Variants in CCNY observed in about 807,000 individuals in gnomAD.
CCNY encodes the protein cyclin Y.
A neutral mutation model predicts 42.8 loss-of-function variants in CCNY; 19 were observed. That is an observed-to-expected ratio of 0.44 (90% CI 0.31 to 0.65). The LOEUF is 0.65. Ranked by LOEUF, CCNY falls within the 30% of genes least tolerant of loss-of-function variation. The pLI is 0.07. For missense variants in CCNY, 370 were observed against 437.3 expected, an observed-to-expected ratio of 0.85 and a Z score of 1.37; for synonymous variants, 165 against 162.7, an observed-to-expected ratio of 1.01 and a Z score of -0.11.
Position 35,513,644 on chromosome 10 carries a change from A to G in CCNY, c.265-2879A>G, listed in dbSNP as rs549699605. On this transcript the variant is annotated intron_variant, in intron 3 of 9. Coordinates refer to ENST00000374704, the MANE Select transcript of CCNY (RefSeq NM_145012.6). ...GGTCTGTCATTTTCATCTCTGTTTT[A>G]CAGCTGAGGAAACTGAGGGGCAGAG... Among the ~76,000 whole-genome samples, 3 of 152,270 alleles carry G rather than the reference A, an allele frequency of 2.0e-5. No individual in the cohort carries two copies. The East Asian group carries it at 5.8e-4, about 29-fold the overall frequency.
At chr10:35,417,735 A>G (rs748111459) in intron 1 of CCNY, among the ~76,000 whole-genome samples, 25 of 152,360 alleles carry the variant, frequency 1.6e-4, no homozygotes, top group Non-Finnish European at 3.4e-4. Context: ...TATTCTAATA[A>G]TAATGAACAA....
chr10:35,360,289 T>G (rs1589059946), intron 1 of CCNY, among the ~76,000 whole-genome samples: 1 of 742 alleles, frequency 1.3e-3, no homozygotes, highest in African/African-American at 5.3e-3. Context: ...TTTTCTTTTC[T>G]TTTTTTTTTT....
Position 35,509,148 on chromosome 10 carries a change from A to T in CCNY, c.265-7375A>T, listed in dbSNP as rs1039047642. Reference sequence around the variant, plus strand: ...TTCCCAATTTTTGTTCTGAGATCCAAAGTTGGCTTATTTTCTCGCTTTCAT... The same window carrying T: ...TTCCCAATTTTTGTTCTGAGATCCATAGTTGGCTTATTTTCTCGCTTTCAT... On this transcript the variant is annotated intron_variant, in intron 3 of 9. Coordinates refer to ENST00000374704, the MANE Select transcript of CCNY (RefSeq NM_145012.6). Among the ~76,000 whole-genome samples, 6 of 152,168 alleles carry T rather than the reference A, an allele frequency of 3.9e-5. No homozygotes were observed. In the East Asian group the frequency reaches 9.6e-4, roughly 24 times the overall value.
At chr10:35,265,663 A>C (rs1443473014) in intron 3 of CCNY, among the ~76,000 whole-genome samples, 1 of 152,246 alleles carries the variant, frequency 6.6e-6, no homozygotes, top group African/African-American at 2.4e-5. Flanking sequence ...GGAGCTGAGG[A>C]TGCACACAGG....
intron 3 of CCNY, chr10:35,315,299 T>C (rs1015156079): frequency 2.6e-5 from 4 of 152,162 alleles, no homozygotes; most frequent in Admixed American, 1.3e-4. Context: ...GTGTCTGTTG[T>C]TCCCCTCTTT....
At chr10:35,441,513 G>A (rs1272367826) in intron 1 of CCNY, among the ~76,000 whole-genome samples, 1 of 152,248 alleles carries the variant, frequency 6.6e-6, no homozygotes, top group Non-Finnish European at 1.5e-5. Flanking sequence ...CGAGGCCGAG[G>A]CGGGAGGATC....
At chr10:35,519,086 T>C (rs1840489942) in intron 4 of CCNY, among the ~76,000 whole-genome samples, 1 of 151,632 alleles carries the variant, frequency 6.6e-6, no homozygotes, top group Non-Finnish European at 1.5e-5. Flanking sequence ...CAGATCTTGA[T>C]TGAATCTGGC....
chr10:35,279,267 C>T (rs1835273308), intron 3 of CCNY, among the ~76,000 whole-genome samples: 1 of 152,014 alleles, frequency 6.6e-6, no homozygotes, highest in Non-Finnish European at 1.5e-5. Context: ...AGGCATGCAC[C>T]ACCACGCCCA....
At chr10:35,369,977 C>G (rs537539864) in intron 1 of CCNY, among the ~76,000 whole-genome samples, 1 of 152,278 alleles carries the variant, frequency 6.6e-6, no homozygotes, top group African/African-American at 2.4e-5. Context: ...ATTCAGGGAT[C>G]AGATGGGAGG....
intron 1 of CCNY, among the ~76,000 whole-genome samples, chr10:35,472,776 T>TC (rs1839416176): frequency 6.6e-6 from 1 of 152,192 alleles, no homozygotes; most frequent in Non-Finnish European, 1.5e-5. Context: ...TAAATACATG[T>TC]TTTGTCTCAC....
At position 35,535,802 on chromosome 10, in the gene CCNY, T is replaced by A. The variant is rs186643540; in HGVS notation, c.579+5559T>A. The stretch of plus-strand genomic sequence containing the variant: ...ATTTAAGTATACAAGATGATGTGCA[T>A]AGGTTATATGAAAATGGCTCTGCCA... On this transcript the variant is annotated intron_variant, in intron 7 of 9. Transcript: ENST00000374704. Among the ~76,000 whole-genome samples the A allele has an allele frequency of 3.3e-4, 51 of 152,302 alleles. 1 individual carries two copies. In the East Asian group the frequency reaches 9.6e-3, roughly 29 times the overall value.
chr10:35,507,301 A>G (rs1564439002), intron 3 of CCNY, among the ~76,000 whole-genome samples: 1 of 152,150 alleles, frequency 6.6e-6, no homozygotes, highest in Admixed American at 6.5e-5. Flanking sequence ...GTGTACATAT[A>G]TATGTTTTAA....
chr10:35,413,076 A>G (rs112056740), intron 1 of CCNY, among the ~76,000 whole-genome samples: 12,328 of 151,670 alleles, frequency 0.081, 926 homozygotes, highest in African/African-American at 0.2. Context: ...TGTGTTGGAG[A>G]GATAAGAAGG....
At chr10:35,301,953 T>C (rs1156557848) in intron 3 of CCNY, among the ~76,000 whole-genome samples, 2 of 147,188 alleles carry the variant, frequency 1.4e-5, no homozygotes, top group African/African-American at 2.5e-5. Flanking sequence ...TTTTTTATTT[T>C]ATTTATTTAT....
chr10:35,323,423 T>C (rs1835844130), intron 3 of CCNY, among the ~76,000 whole-genome samples: 2 of 152,180 alleles, frequency 1.3e-5, no homozygotes, highest in African/African-American at 2.4e-5. Flanking sequence ...AATTGTGGTA[T>C]ATACATACAC....
At chr10:35,547,629 A>G (rs1010173558) in intron 7 of CCNY, among the ~76,000 whole-genome samples, 1 of 152,134 alleles carries the variant, frequency 6.6e-6, no homozygotes, top group Non-Finnish European at 1.5e-5. Context: ...AATCACTCGT[A>G]TGTAGTCCCG....
intron 3 of CCNY, among the ~76,000 whole-genome samples, chr10:35,506,560 C>T (rs184628986): frequency 2.0e-5 from 3 of 152,132 alleles, no homozygotes; most frequent in Non-Finnish European, 4.4e-5. Flanking sequence ...TTCTTCTTCA[C>T]CCCTTCTTCC....
At chr10:35,407,625 AT>A (rs1329324874) in intron 1 of CCNY, among the ~76,000 whole-genome samples, 1 of 152,172 alleles carries the variant, frequency 6.6e-6, no homozygotes, top group Admixed American at 6.5e-5. Context: ...GTCAAGCGGC[AT>A]TGCAGAAGAA....
intron 3 of CCNY, chr10:35,250,680 C>T (rs2095711416): frequency 6.6e-6 from 1 of 152,386 alleles, no homozygotes; most frequent in Non-Finnish European, 1.5e-5. Context: ...CTCTTCCTGA[C>T]ATTCTGCCAT....
Sources: gnomAD v4.1 joint callset for allele counts (sites outside exome capture counted in the v4.1 genomes callset) on GRCh38, gnomAD v4.1.1 for gene constraint, MANE v1.5 for transcripts, NCBI Gene and HGNC (gene_info 2026-07-23, HGNC 2026-07-21) for gene names.